EBF3: variants seen among roughly 807,000 people sequenced by gnomAD.
EBF3 encodes transcription factor COE3.
Under a neutral mutation model 77.1 loss-of-function variants are expected in EBF3, and 18 were observed. The ratio of observed to expected loss-of-function variants is 0.23; its 90% CI spans 0.16 to 0.35. The LOEUF is 0.35. EBF3 is among the 10% of genes least tolerant of loss of function. EBF3 has a pLI of 1.00. For missense variants in EBF3, 558 were observed against 860.0 expected (o/e 0.65, Z 4.39); for synonymous variants, 350 against 343.5 (o/e 1.02, Z -0.21).
intron 6 of EBF3, among the ~76,000 whole-genome samples, chr10:129,918,644 C>A (rs1002819184): frequency 6.6e-6 from 1 of 152,230 alleles, no homozygotes; most frequent in African/African-American, 2.4e-5. Context: ...GCCCTACCCC[C>A]CTCCCCAGCT....
intron 6 of EBF3, among the ~76,000 whole-genome samples, chr10:129,916,621 C>T (rs1021111732): frequency 2.0e-5 from 3 of 152,230 alleles, no homozygotes; most frequent in African/African-American, 7.2e-5. Flanking sequence ...CAGGTCTCCA[C>T]AGCTCAGGAG....
chr10:129,907,790 C>A (rs1855251217), intron 6 of EBF3, among the ~76,000 whole-genome samples: 1 of 152,180 alleles, frequency 6.6e-6, no homozygotes, highest in Admixed American at 6.5e-5. Context: ...TGCAATAACA[C>A]TCTCAGGTAA....
Position 129,944,295 on chromosome 10 carries a change from C to T in EBF3, c.554+12963G>A, listed in dbSNP as rs1858015057. On this transcript the variant is annotated intron_variant, in intron 6 of 16. Coordinates refer to ENST00000440978, the MANE Select transcript of EBF3 (RefSeq NM_001375380.1). This position sits in a 1 kb window ranked among gnomAD's most constrained non-coding sequence, Gnocchi z 5.1. ...TCAATGAGGGGAACACCAGAGTGCA[C>T]TGCCTTCAGAATATTGGCTTGGTGG... Among the ~76,000 whole-genome samples the T allele has an allele frequency of 6.6e-6, 1 of 152,196 alleles. No individual in the cohort carries two copies. The highest frequency in any genetic ancestry group is 1.5e-5 in the Non-Finnish European group (1 of 68,034).
rs1002206472 is a variant in EBF3, at chr10:129,842,551, G to A, written c.1195-258C>T. ...GGTCAAGGCAGGCGGATCATCTGAG[G>A]TCAGGAGTTCAAGACCAGCCTGGCC... On this transcript the variant is annotated intron_variant, in intron 12 of 16. Transcript: ENST00000440978. This position sits in a 1 kb window ranked among gnomAD's most constrained non-coding sequence, Gnocchi z 4.4. 4.6e-5 allele frequency among the ~76,000 whole-genome samples: 7 copies of A among 152,138 alleles called. No individual in the cohort carries two copies. The highest frequency in any genetic ancestry group is 1.7e-4 in the African/African-American group (7 of 41,450).
intron 6 of EBF3, among the ~76,000 whole-genome samples, chr10:129,889,759 G>A (rs949805635): frequency 7.0e-6 from 1 of 143,852 alleles, no homozygotes; most frequent in Non-Finnish European, 1.5e-5. Context: ...GGGGAAGTAG[G>A]CCATATTCCT....
chr10:129,915,144 G>A (rs1310470152), intron 6 of EBF3, among the ~76,000 whole-genome samples: 1 of 152,166 alleles, frequency 6.6e-6, no homozygotes, highest in East Asian at 1.9e-4. Context: ...GGAGGGATGA[G>A]GGAGAAGAAA....
intron 6 of EBF3, among the ~76,000 whole-genome samples, chr10:129,909,743 G>A (rs1448431010): frequency 6.6e-6 from 1 of 152,150 alleles, no homozygotes; most frequent in African/African-American, 2.4e-5. Flanking sequence ...GACCCTCTGT[G>A]GCACACCGTC....
intron 11 of EBF3, 176 bp from the exon 12 acceptor site, chr10:129,843,378 A>G: frequency 1.7e-6 from 1 of 585,944 alleles, no homozygotes; most frequent in South Asian, 2.5e-5. Flanking sequence ...GCGTGCTGAC[A>G]ACACTGTTTG....
intron 6 of EBF3, among the ~76,000 whole-genome samples, chr10:129,904,511 A>G (rs1854998240): frequency 6.6e-6 from 1 of 151,968 alleles, no homozygotes; most frequent in Non-Finnish European, 1.5e-5. Flanking sequence ...ATGAATGGAT[A>G]GACAAGTGCA....
chr10:129,876,885 A>ACCGCCCCCCC (rs1852811725), intron 7 of EBF3, among the ~76,000 whole-genome samples: 1 of 42,368 alleles, frequency 2.4e-5, no homozygotes, highest in African/African-American at 8.2e-5. Flanking sequence ...TCATCCCTGA[A>ACCGCCCCCCC]CCCCCCCCCC....
intron 11 of EBF3, chr10:129,846,001 G>GAA: frequency 7.2e-6 from 1 of 139,554 alleles, no homozygotes. Flanking sequence ...GGCTTAAAAA[G>GAA]AATGAGAATT....
intron 3 of EBF3, among the ~76,000 whole-genome samples, chr10:129,962,593 T>TA (rs931900354): frequency 0.017 from 2,419 of 145,128 alleles, 38 homozygotes; most frequent in African/African-American, 0.053. Flanking sequence ...CTCGAGGATT[T>TA]AAAAAAAAAA....
intron 6 of EBF3, among the ~76,000 whole-genome samples, chr10:129,888,205 C>T (rs1199555783): frequency 4.6e-5 from 7 of 152,206 alleles, no homozygotes; most frequent in Admixed American, 3.9e-4. Flanking sequence ...GAGCAGCACC[C>T]GCTATGGCTC....
rs1278507554 is a variant in EBF3 at position 129,836,497 on chromosome 10, A to C, written c.*1446T>G. On this transcript the variant is annotated 3_prime_UTR_variant, in exon 17 of 17. Coordinates refer to ENST00000440978, the MANE Select transcript of EBF3 (RefSeq NM_001375380.1). ...GATTTGTCACGGCCGGGTGGCACCGATTTGTTTTGACTATACAACAAACTT... is the reference window on the plus strand; with the variant it reads ...GATTTGTCACGGCCGGGTGGCACCGCTTTGTTTTGACTATACAACAAACTT... 1 of 152,538 alleles carries C rather than the reference A, an allele frequency of 6.6e-6. No individual in the cohort carries two copies. The highest frequency in any genetic ancestry group is 6.6e-5 in the Admixed American group (1 of 15,260). The allele number at this position is 152,538 out of a possible 1,614,324, so 9.4% of individuals were successfully genotyped here.
chr10:129,906,179 A>C (rs1340193109), intron 6 of EBF3, among the ~76,000 whole-genome samples: 1 of 152,238 alleles, frequency 6.6e-6, no homozygotes, highest in Non-Finnish European at 1.5e-5. Context: ...TCAAAGCTTA[A>C]TGCAAGACAA....
At chr10:129,908,594 C>A (rs1855303255) in intron 6 of EBF3, among the ~76,000 whole-genome samples, 1 of 152,236 alleles carries the variant, frequency 6.6e-6, no homozygotes, top group Admixed American at 6.5e-5. Flanking sequence ...TCCAAGAAAA[C>A]TCAGACAAAG....
intron 6 of EBF3, among the ~76,000 whole-genome samples, chr10:129,890,565 A>C (rs2134194426): frequency 1.3e-5 from 2 of 152,376 alleles, no homozygotes; most frequent in South Asian, 4.1e-4. Context: ...GTATCTAAAG[A>C]ATATTTTTAT....
chr10:129,867,951 C>T (rs200533371), intron 8 of EBF3, 39 bp from the exon 9 acceptor site: 331 of 1,603,294 alleles, frequency 2.1e-4, no homozygotes, highest in Non-Finnish European at 2.5e-4. Context: ...CTTAGAGCCC[C>T]GTCCTCCTCC....
chr10:129,964,267 C>G lies in EBF3; in HGVS notation c.-499G>C. On this transcript the variant is annotated 5_prime_UTR_variant, in exon 1 of 17. Transcript: ENST00000440978. This position sits in a 1 kb window ranked among gnomAD's most constrained non-coding sequence, Gnocchi z 4.5. The stretch of plus-strand genomic sequence containing the variant: ...CGCACAAAACTCAGCCCTCTCTCCC[C>G]GAGGAATGGACCCTTTCCCGGGAGC... 7.1e-6 allele frequency: 7 copies of G among 985,014 alleles called. No individual in the cohort carries two copies. Among genetic ancestry groups the G allele is most frequent in the Non-Finnish European group, 8.4e-6 (7 of 829,800 alleles). 61.0% of individuals were successfully genotyped at this position (985,014 alleles called of 1,614,324 possible). A position where few individuals can be genotyped will look rare whatever the true frequency, so the allele number is the denominator to read the frequency against.
Sources: allele counts gnomAD v4.1 joint callset (sites outside exome capture counted in the v4.1 genomes callset), GRCh38; gene constraint gnomAD v4.1.1; non-coding constraint Gnocchi (gnomAD v3.1); transcripts MANE v1.5; gene names NCBI Gene and HGNC (gene_info 2026-07-23, HGNC 2026-07-21).